The following KDM4C variants were observed in gnomAD, a reference collection of about 807,000 sequenced individuals.
KDM4C encodes lysine demethylase 4C.
A neutral mutation model predicts 129.3 loss-of-function variants in KDM4C; 81 were observed. The observed-to-expected ratio is 0.63, with a 90% CI of 0.52 to 0.75. The LOEUF (loss-of-function observed/expected upper bound fraction) is 0.75. Among genes scored for constraint, KDM4C ranks in the 30% least tolerant of loss-of-function variants. The pLI, the probability that KDM4C is intolerant of heterozygous loss-of-function variation, is 0.00. For synonymous variants in KDM4C, 573 were observed against 456.1 expected, an observed-to-expected ratio of 1.26 and a Z score of -3.26; for missense variants, 1,457 against 1,304.0, an observed-to-expected ratio of 1.12 and a Z score of -1.81.
At chr9:6,763,762 T>G (rs1401921189) in intron 1 of KDM4C, among the ~76,000 whole-genome samples, 1 of 152,172 alleles carries the variant, frequency 6.6e-6, no homozygotes, top group African/African-American at 2.4e-5. Flanking sequence ...GAGAATGCAC[T>G]TTTTCTTTTT....
chr9:6,952,472 A>T (rs1167725217), intron 8 of KDM4C, among the ~76,000 whole-genome samples: 1 of 150,954 alleles, frequency 6.6e-6, no homozygotes, highest in Non-Finnish European at 1.5e-5. Flanking sequence ...ATGGAGTCTC[A>T]CTTTGTTGCC....
At chr9:6,745,908 C>T (rs1817856242) in intron 1 of KDM4C, among the ~76,000 whole-genome samples, 2 of 152,188 alleles carry the variant, frequency 1.3e-5, no homozygotes, top group South Asian at 4.1e-4. Flanking sequence ...CTCACGGGTT[C>T]AAGTGATTCT....
chr9:7,135,207 G>A (rs188700498), intron 19 of KDM4C, among the ~76,000 whole-genome samples: 1 of 152,156 alleles, frequency 6.6e-6, no homozygotes, highest in Non-Finnish European at 1.5e-5. Context: ...GTCCCATGCA[G>A]GAGATTCAGT....
At chr9:7,006,492 C>T (rs989833870) in intron 12 of KDM4C, among the ~76,000 whole-genome samples, 2 of 151,866 alleles carry the variant, frequency 1.3e-5, no homozygotes, top group Admixed American at 6.6e-5. Flanking sequence ...GAGGAGTGGG[C>T]GGTGTGATTT....
intron 19 of KDM4C, among the ~76,000 whole-genome samples, chr9:7,141,865 T>C (rs1468400988): frequency 6.6e-6 from 1 of 152,122 alleles, no homozygotes; most frequent in Admixed American, 6.6e-5. Flanking sequence ...CATGCCTCAA[T>C]GTGAGAAGAG....
intron 2 of KDM4C, among the ~76,000 whole-genome samples, chr9:6,798,691 TC>T (rs1180462222): frequency 6.6e-6 from 1 of 152,090 alleles, no homozygotes; most frequent in Non-Finnish European, 1.5e-5. Context: ...TCCCCACCTT[TC>T]CCCCTTTTCT....
At chr9:7,039,367 A>C (rs1367930728) in intron 15 of KDM4C, among the ~76,000 whole-genome samples, 1 of 152,010 alleles carries the variant, frequency 6.6e-6, no homozygotes, top group African/African-American at 2.4e-5. Context: ...TATTATTTAT[A>C]AGTCTAATTT....
At chr9:6,997,747 A>T (rs572146016) in intron 12 of KDM4C, among the ~76,000 whole-genome samples, 4 of 152,310 alleles carry the variant, frequency 2.6e-5, no homozygotes, top group African/African-American at 9.6e-5. Context: ...GTCATGAATG[A>T]TAAGTGTTCC....
chr9:6,900,788 A>C (rs939080795), intron 8 of KDM4C, among the ~76,000 whole-genome samples: 1 of 152,220 alleles, frequency 6.6e-6, no homozygotes, highest in East Asian at 1.9e-4. Context: ...GGTGAGAGCA[A>C]AGGTTTTCTA....
chr9:6,875,492 G>A (rs1445529757), intron 5 of KDM4C, among the ~76,000 whole-genome samples: 3 of 152,168 alleles, frequency 2.0e-5, no homozygotes, highest in Admixed American at 2.0e-4. Context: ...TGCCTGGTAG[G>A]TAGAACTATG....
intron 8 of KDM4C, among the ~76,000 whole-genome samples, chr9:6,967,625 C>T (rs1831226156): frequency 6.6e-6 from 1 of 152,044 alleles, no homozygotes; most frequent in South Asian, 2.1e-4. Context: ...GAGATCATGA[C>T]AGGCAGGGGG....
intron 17 of KDM4C, among the ~76,000 whole-genome samples, chr9:7,086,439 T>C (rs375466454): frequency 1.3e-5 from 2 of 152,198 alleles, no homozygotes; most frequent in East Asian, 1.9e-4. Flanking sequence ...TGTTTCTCAA[T>C]GGGATCTTTT....
At chr9:6,802,351 A>G (rs1334136938) in intron 2 of KDM4C, among the ~76,000 whole-genome samples, 4 of 152,196 alleles carry the variant, frequency 2.6e-5, no homozygotes, top group Admixed American at 1.3e-4. Flanking sequence ...GGCAATATCT[A>G]TGAAATTTGA....
chr9:7,084,196 T>C (rs1834860888), intron 17 of KDM4C, among the ~76,000 whole-genome samples: 1 of 152,188 alleles, frequency 6.6e-6, no homozygotes, highest in South Asian at 2.1e-4. Flanking sequence ...CCTGTGCCAC[T>C]ACTCAGCTGA....
intron 17 of KDM4C, among the ~76,000 whole-genome samples, chr9:7,065,444 G>C (rs1182667628): frequency 6.6e-6 from 1 of 151,934 alleles, no homozygotes; most frequent in Non-Finnish European, 1.5e-5. Context: ...GCTTATAATT[G>C]AATTTAGAAA....
intron 2 of KDM4C, among the ~76,000 whole-genome samples, chr9:6,799,712 A>T (rs1828562997): frequency 6.7e-6 from 1 of 148,808 alleles, no homozygotes; most frequent in Non-Finnish European, 1.5e-5. Flanking sequence ...TTGATTGTGG[A>T]TATCTTTATT....
In KDM4C at chr9:7,046,873, C is replaced by T. The variant is rs758420170; in HGVS notation, c.2271C>T (p.Leu757=). Reference sequence around the variant, plus strand: ...TCTTTTCCCCCCAGGAATGCTGTCTCTGCAATTTGAGAGGAGGTGCTCTTA... The same window carrying T: ...TCTTTTCCCCCCAGGAATGCTGTCTTTGCAATTTGAGAGGAGGTGCTCTTA... ...KRNAWTAECC[L]CNLRGGALKQ... Residue 757 remains leucine, a synonymous_variant, in exon 16 of 22, where the codon CTC becomes CTT. Coordinates refer to ENST00000381309, the MANE Select transcript of KDM4C (RefSeq NM_015061.6). 6.2e-7 allele frequency: 1 copy of T among 1,607,444 alleles called. No individual in the cohort carries two copies. Among genetic ancestry groups the T allele is most frequent in the Non-Finnish European group, 8.5e-7 (1 of 1,174,520 alleles).
chr9:6,783,767 A>G (rs1291413207), intron 1 of KDM4C, among the ~76,000 whole-genome samples: 1 of 152,202 alleles, frequency 6.6e-6, no homozygotes, highest in Non-Finnish European at 1.5e-5. Context: ...TAAAAACAAC[A>G]TATTGATTGT....
In KDM4C at chr9:6,995,877, T is replaced by C. The variant is rs553232581; in HGVS notation, c.1786+5353T>C. Among the ~76,000 whole-genome samples the C allele has an allele frequency of 5.6e-5, 8 of 141,760 alleles. No homozygotes were observed. In the South Asian group the frequency reaches 1.1e-3, roughly 19 times the overall value. 93.0% of individuals were successfully genotyped at this position (141,760 alleles called of 152,430 possible). ...TGGTAGAGATGGGGTTTCACTGTGT[T>C]AGCCAGGATGGTCTCGATCTGACCT... On this transcript the variant is annotated intron_variant, in intron 12 of 21. Coordinates refer to ENST00000381309, the MANE Select transcript of KDM4C (RefSeq NM_015061.6).
Sources: allele counts gnomAD v4.1 joint callset (sites outside exome capture counted in the v4.1 genomes callset), GRCh38; gene constraint gnomAD v4.1.1; transcripts MANE v1.5; gene names NCBI Gene and HGNC (gene_info 2026-07-23, HGNC 2026-07-21).